DNAH10: variants seen among roughly 807,000 people sequenced by gnomAD.
The protein encoded by DNAH10 is axonemal beta dynein heavy chain 10.
In DNAH10, 348 loss-of-function variants were observed where a neutral mutation model predicts 506.6. The ratio of observed to expected loss-of-function variants is 0.69; its 90% confidence interval spans 0.63 to 0.75. DNAH10 has a LOEUF of 0.75. DNAH10 is among the 30% of genes least tolerant of loss of function. The pLI is 0.00. For synonymous variants in DNAH10, 2,059 were observed against 2,198.6 expected (o/e 0.94, Z 1.78); for missense variants, 5,179 against 5,787.1 (o/e 0.89, Z 3.41).
Position 123,805,060 on chromosome 12 carries a change from T to A in DNAH10, c.2987+20T>A. ...CCTGAAGTAAGTTCATCTTGTTGCA[T>A]GCTTTAAAATGGTGTGTGTAGATTA... On this transcript the variant is annotated intron_variant, in intron 18 of 78. Transcript: ENST00000673944. 6.2e-7 allele frequency: 1 copy of A among 1,612,036 alleles called. No individual in the cohort carries two copies. Among genetic ancestry groups the A allele is most frequent in the Non-Finnish European group, 8.5e-7 (1 of 1,178,332 alleles).
chr12:123,850,593 A>G lies in DNAH10; in HGVS notation c.6103-295A>G, dbSNP rs1204736181. The stretch of plus-strand genomic sequence containing the variant: ...GGTTAAGTGACCTGCTGAGGGTCAC[A>G]CAGCTTCTTGTATCAGCCCCAGACT... On this transcript the variant is annotated intron_variant, in intron 34 of 78. Transcript: ENST00000673944. This position sits in a 1 kb window ranked among gnomAD's most constrained non-coding sequence, Gnocchi z 5.5. Among the ~76,000 whole-genome samples the G allele has an allele frequency of 6.6e-6, 1 of 152,212 alleles. No individual in the cohort carries two copies. The highest frequency in any genetic ancestry group is 1.9e-4 in the East Asian group (1 of 5,196).
intron 29 of DNAH10, among the ~76,000 whole-genome samples, chr12:123,838,907 G>A (rs768330103): frequency 2.0e-5 from 3 of 152,122 alleles, no homozygotes; most frequent in East Asian, 1.9e-4. Context: ...CCACCTCCCC[G>A]ACTCAAGTGA....
chr12:123,889,134 G>A (rs1013007917), intron 52 of DNAH10, among the ~76,000 whole-genome samples: 3 of 152,126 alleles, frequency 2.0e-5, no homozygotes, highest in Admixed American at 6.6e-5. Flanking sequence ...TCTGCCATGC[G>A]TGTAAACAGC....
At chr12:123,868,477 C>T (rs552449128) in intron 43 of DNAH10, among the ~76,000 whole-genome samples, 1 of 152,252 alleles carries the variant, frequency 6.6e-6, no homozygotes, top group Non-Finnish European at 1.5e-5. Context: ...TATTTTTAAC[C>T]ATCTATCTCC....
Position 123,762,559 on chromosome 12 carries a change from C to A in DNAH10, c.214+9C>A. The A allele has an allele frequency of 6.5e-7, 1 of 1,547,270 alleles. No homozygotes were observed. On this transcript the variant is annotated intron_variant, in intron 1 of 78. Coordinates refer to ENST00000673944, the MANE Select transcript of DNAH10 (RefSeq NM_001372106.1). This position sits in a 1 kb window ranked among gnomAD's most constrained non-coding sequence, Gnocchi z 5.0. ...GGTGGAGGTGGAGATTGGTGAGCCT[C>A]GACGCGCCGCTCCCTTCCCCGGGCT...
At chr12:123,927,727 C>G (rs1198218866) in intron 69 of DNAH10, 2 of 152,634 alleles carry the variant, frequency 1.3e-5, no homozygotes, top group African/African-American at 4.8e-5. Context: ...TTGCTATGAA[C>G]TGTGAGGCTT....
In DNAH10 at chr12:123,909,586, G is replaced by A; in HGVS notation, c.9997+144G>A. On this transcript the variant is annotated intron_variant, in intron 58 of 78. Coordinates refer to ENST00000673944, the MANE Select transcript of DNAH10 (RefSeq NM_001372106.1). The surrounding 1 kb of genome is among the most constrained non-coding windows in gnomAD (Gnocchi z 5.4). Reference sequence around the variant, plus strand: ...ATGGTATCGGATGGAACAGGCAACTGATGGTCACCAGAGGAAAACAGCAGC... The same window carrying A: ...ATGGTATCGGATGGAACAGGCAACTAATGGTCACCAGAGGAAAACAGCAGC... The A allele has an allele frequency of 9.0e-7, 1 of 1,115,804 alleles. No homozygotes were observed. Among genetic ancestry groups the A allele is most frequent in the South Asian group, 1.7e-5 (1 of 58,772 alleles). 69.1% of individuals were successfully genotyped at this position (1,115,804 alleles called of 1,614,324 possible).
chr12:123,867,741 G>A (rs1252749333), intron 42 of DNAH10, 140 bp downstream of exon 42: 1 of 1,385,618 alleles, frequency 7.2e-7, no homozygotes. Flanking sequence ...CGCCGTGCTT[G>A]CTTTTGTGCA....
chr12:123,796,531 C>T, intron 12 of DNAH10, 125 bp from the exon 13 acceptor site: 2 of 797,024 alleles, frequency 2.5e-6, no homozygotes, highest in Non-Finnish European at 3.9e-6. Flanking sequence ...AGTGAAAACA[C>T]TATTCTGCAT....
At chr12:123,935,248 T>C in intron 78 of DNAH10, 87 bp from the exon 79 acceptor site, 1 of 1,521,574 alleles carries the variant, frequency 6.6e-7, no homozygotes, top group Non-Finnish European at 9.0e-7. Flanking sequence ...CAGGGGCCCC[T>C]GCCTGTCAAG....
At chr12:123,906,690 G>A (rs1329916558) in intron 57 of DNAH10, among the ~76,000 whole-genome samples, 2 of 151,940 alleles carry the variant, frequency 1.3e-5, no homozygotes, top group Non-Finnish European at 2.9e-5. Context: ...TTTTTTTCCT[G>A]GGGTTCTGTG....
intron 61 of DNAH10, 117 bp downstream of exon 61, chr12:123,914,667 C>T (rs1954385488): frequency 7.1e-7 from 1 of 1,403,332 alleles, no homozygotes; most frequent in Non-Finnish European, 9.5e-7. Context: ...CCACAGTTGG[C>T]TCGACTGCAT....
At position 123,777,888 on chromosome 12, in the gene DNAH10, C is replaced by A. The variant is rs141362405; in HGVS notation, c.622-3192C>A. On this transcript the variant is annotated intron_variant, in intron 5 of 78. Transcript: ENST00000673944. ...ATGTTGCCAAGGCTGGTCTCAAACT[C>A]CTGGGCTCAAGTGATCTGCCCTCCT... 1.0e-2 allele frequency among the ~76,000 whole-genome samples: 1,517 copies of A among 152,120 alleles called. 24 individuals carry two copies. Among genetic ancestry groups the A allele is most frequent in the African/African-American group, 0.035 (1,438 of 41,466 alleles).
rs114034557 is a variant in DNAH10, at chr12:123,886,529, A to G, written c.8824-613A>G. On this transcript the variant is annotated intron_variant, in intron 51 of 78. Transcript: ENST00000673944. ...TGTGTGTGAGCATGTGTTCTAGTGC[A>G]TGCCAGGGTGCAAGTGAGTGTGTGG... Among the ~76,000 whole-genome samples the G allele has an allele frequency of 3.1e-3, 478 of 152,204 alleles. 1 individual carries two copies. Among genetic ancestry groups the G allele is most frequent in the African/African-American group, 0.011 (453 of 41,528 alleles).
intron 15 of DNAH10, 131 bp downstream of exon 15, chr12:123,800,519 A>G (rs1370011097): frequency 3.1e-5 from 29 of 929,748 alleles, no homozygotes; most frequent in Non-Finnish European, 3.9e-5. Context: ...AATTCTTACC[A>G]CATTAGAAAT....
At chr12:123,778,975 C>T (rs1183877657) in intron 5 of DNAH10, among the ~76,000 whole-genome samples, 1 of 151,712 alleles carries the variant, frequency 6.6e-6, no homozygotes. Flanking sequence ...TCTCAGCTCA[C>T]TGCAACCTCT....
At position 123,794,034 on chromosome 12, in the gene DNAH10, G is replaced by C. The variant is rs1169118092; in HGVS notation, c.1908G>C (p.Lys636Asn). The C allele has an allele frequency of 7.8e-7, 1 of 1,286,796 alleles. No homozygotes were observed. The allele number at this position is 1,286,796 out of a possible 1,614,324, so 79.7% of individuals were successfully genotyped here. Residue 636 changes from lysine to asparagine, a missense_variant, in exon 12 of 79, where the codon AAG becomes AAC. Physicochemically the swap from Lys to Asn is moderately conservative, Grantham distance 94 (BLOSUM62 0). This residue lies in a region of DNAH10 where 4,844 missense variants were observed against 5,430.5 expected (regional missense o/e 0.89). Transcript: ENST00000673944. ...EAAFDMLLKF[K>N]HIRSREAVNR... ...CATTTGACATGCTTTTAAAATTTAA[G>C]CACATTCGTTCACGGGAGGCTGTTA...
intron 1 of DNAH10, among the ~76,000 whole-genome samples, chr12:123,765,564 T>TCTATCTATCTATCTATCTATC (rs1555302003): frequency 8.7e-5 from 13 of 149,412 alleles, no homozygotes; most frequent in African/African-American, 3.0e-4. Context: ...TATCTATACT[T>TCTATCTATCTATCTATCTATC]TATCTATCTA....
Position 123,907,843 on chromosome 12 carries a change from C to T in DNAH10, c.9816-1418C>T, listed in dbSNP as rs756002054. Among the ~76,000 whole-genome samples, 14 of 152,308 alleles carry T rather than the reference C, an allele frequency of 9.2e-5. No homozygotes were observed. In the South Asian group the frequency reaches 1.5e-3, roughly 16 times the overall value. On this transcript the variant is annotated intron_variant, in intron 57 of 78. Transcript: ENST00000673944. The surrounding 1 kb of genome is among the most constrained non-coding windows in gnomAD (Gnocchi z 4.4). ...CGCTTTCCTAAGCAGCCAACACCAGCGTGATCGAGCCTTTTCCCGGGGACT... is the reference window on the plus strand; with the variant it reads ...CGCTTTCCTAAGCAGCCAACACCAGTGTGATCGAGCCTTTTCCCGGGGACT...
Sources: gnomAD v4.1 joint callset for allele counts (sites outside exome capture counted in the v4.1 genomes callset) on GRCh38, gnomAD v4.1.1 for gene constraint, gnomAD v4.1.1 regional missense constraint, Gnocchi (gnomAD v3.1) non-coding constraint, MANE v1.5 for transcripts, NCBI Gene and HGNC (gene_info 2026-07-23, HGNC 2026-07-21) for gene names.